ZBTB20: variants seen among roughly 807,000 people sequenced by gnomAD.
The protein encoded by ZBTB20 is zinc finger and BTB domain-containing protein 20.
Under a neutral mutation model 56.9 loss-of-function variants are expected in ZBTB20, and 9 were observed. That is an observed-to-expected ratio of 0.16 (90% CI 0.10 to 0.28). ZBTB20 has a LOEUF of 0.28. Ranked by LOEUF, ZBTB20 falls within the 10% of genes least tolerant of loss-of-function variation. ZBTB20 has a pLI of 1.00. For missense variants in ZBTB20, 655 were observed against 1,003.0 expected (o/e 0.65, Z 4.69); for synonymous variants, 417 against 420.7 (o/e 0.99, Z 0.11).
chr3:114,431,624 A>G (rs2718409), intron 7 of ZBTB20, among the ~76,000 whole-genome samples: 138,765 of 152,196 alleles, frequency 0.91, 64,668 homozygotes, highest in East Asian at 1. Context: ...TAAAGAACAA[A>G]AAAAGAGGGA....
chr3:114,428,242 C>G (rs759311614), intron 7 of ZBTB20, among the ~76,000 whole-genome samples: 2 of 152,094 alleles, frequency 1.3e-5, no homozygotes, highest in African/African-American at 4.8e-5. Context: ...TTAAAAACCA[C>G]GTTCACAATG....
At chr3:114,645,551 T>A (rs1006311634) in intron 6 of ZBTB20, among the ~76,000 whole-genome samples, 7 of 152,184 alleles carry the variant, frequency 4.6e-5, no homozygotes, top group Non-Finnish European at 1.0e-4. Context: ...TACATCTTTC[T>A]GGGTGGCATC....
At chr3:114,561,769 A>T (rs1281122003) in intron 6 of ZBTB20, among the ~76,000 whole-genome samples, 1 of 152,048 alleles carries the variant, frequency 6.6e-6, no homozygotes, top group Admixed American at 6.6e-5. Context: ...TCCCAGTTAA[A>T]GTTACCTGCT....
intron 5 of ZBTB20, among the ~76,000 whole-genome samples, chr3:114,782,213 C>CT (rs940154672): frequency 2.0e-5 from 3 of 152,072 alleles, no homozygotes; most frequent in Non-Finnish European, 2.9e-5. Context: ...TTTACATATA[C>CT]TTTTTTTTGT....
intron 7 of ZBTB20, among the ~76,000 whole-genome samples, chr3:114,463,308 G>C (rs2092409739): frequency 6.6e-6 from 1 of 152,284 alleles, no homozygotes; most frequent in South Asian, 2.1e-4. Flanking sequence ...GGGTACGGTA[G>C]CTTGAATATT....
chr3:114,716,226 A>T (rs2064471388), intron 5 of ZBTB20, among the ~76,000 whole-genome samples: 1 of 152,176 alleles, frequency 6.6e-6, no homozygotes, highest in Non-Finnish European at 1.5e-5. Flanking sequence ...AATAAAATCC[A>T]GCCCATGCTG....
intron 1 of ZBTB20, among the ~76,000 whole-genome samples, chr3:115,098,015 CTACATTATTACTTGCTTT>C (rs1480014278): frequency 6.6e-6 from 1 of 152,096 alleles, no homozygotes; most frequent in Non-Finnish European, 1.5e-5. Context: ...ATAAAAATGG[CTACATTATTACTTGCTTT>C]TATTCTTGCT....
Position 114,481,420 on chromosome 3 carries a change from G to C in ZBTB20, c.-255+18932C>G, listed in dbSNP as rs145288321. On this transcript the variant is annotated intron_variant, in intron 7 of 11. Transcript: ENST00000675478. ...GATCCGTTATGTTTCTACATAAGGA[G>C]TGTACAAGCTTCTCTTGAAAATCAT... 7.9e-4 allele frequency among the ~76,000 whole-genome samples: 121 copies of C among 152,298 alleles called. No individual in the cohort carries two copies. The Middle Eastern group carries it at 0.024, about 30-fold the overall frequency.
intron 2 of ZBTB20, among the ~76,000 whole-genome samples, chr3:115,021,401 C>A (rs1044396883): frequency 6.6e-6 from 1 of 150,694 alleles, no homozygotes; most frequent in Non-Finnish European, 1.5e-5. Flanking sequence ...TCCATAGATA[C>A]ATATATATAG....
intron 6 of ZBTB20, among the ~76,000 whole-genome samples, chr3:114,574,117 GAACT>G (rs1322512800): frequency 6.6e-6 from 1 of 151,952 alleles, no homozygotes; most frequent in African/African-American, 2.4e-5. Flanking sequence ...ATAACTTTAA[GAACT>G]ATCTAATTTG....
chr3:114,423,486 A>G (rs2089371863), intron 7 of ZBTB20, among the ~76,000 whole-genome samples: 1 of 152,244 alleles, frequency 6.6e-6, no homozygotes, highest in Non-Finnish European at 1.5e-5. Flanking sequence ...AAAGCTTAGC[A>G]AGGGTTCAGA....
chr3:114,574,369 C>G (rs186271770), intron 6 of ZBTB20, among the ~76,000 whole-genome samples: 101 of 152,252 alleles, frequency 6.6e-4, no homozygotes, highest in African/African-American at 2.4e-3. Context: ...TGCTACATTA[C>G]TTTGCAGAAT....
chr3:114,430,858 T>C (rs1043237098), intron 7 of ZBTB20, among the ~76,000 whole-genome samples: 6 of 152,220 alleles, frequency 3.9e-5, no homozygotes, highest in Non-Finnish European at 5.9e-5. Context: ...CATAGTCTGC[T>C]TCATTTTTAC....
chr3:114,951,206 A>G (rs2077054954), intron 3 of ZBTB20, among the ~76,000 whole-genome samples: 1 of 152,142 alleles, frequency 6.6e-6, no homozygotes, highest in South Asian at 2.1e-4. Context: ...AATTATCTTT[A>G]AAAACAATTG....
intron 6 of ZBTB20, chr3:114,599,279 G>A (rs1164726754): frequency 3.3e-5 from 5 of 152,180 alleles, no homozygotes; most frequent in South Asian, 4.1e-4. Flanking sequence ...ACTCAGAAAT[G>A]TTCTTCTCTT....
chr3:114,948,760 C>T (rs1162433674), intron 3 of ZBTB20, among the ~76,000 whole-genome samples: 2 of 145,904 alleles, frequency 1.4e-5, no homozygotes, highest in African/African-American at 5.6e-5. Context: ...AGAAATGAAT[C>T]TAACAAAAAG....
chr3:114,902,323 G>A (rs965862846), intron 3 of ZBTB20, among the ~76,000 whole-genome samples: 1 of 152,154 alleles, frequency 6.6e-6, no homozygotes, highest in Non-Finnish European at 1.5e-5. Context: ...AGCATCTACT[G>A]CCTGCATGGT....
intron 6 of ZBTB20, among the ~76,000 whole-genome samples, chr3:114,641,586 A>T (rs1379842272): frequency 6.6e-6 from 1 of 151,794 alleles, no homozygotes; most frequent in Non-Finnish European, 1.5e-5. Flanking sequence ...GTAAGGCAGA[A>T]AGATTTTCTA....
intron 3 of ZBTB20, among the ~76,000 whole-genome samples, chr3:114,926,677 C>A (rs896011918): frequency 6.6e-6 from 1 of 152,002 alleles, no homozygotes; most frequent in Admixed American, 6.5e-5. Context: ...GAAATATATG[C>A]CATCAAATAG....
Sources: allele counts gnomAD v4.1 joint callset (sites outside exome capture counted in the v4.1 genomes callset), GRCh38; gene constraint gnomAD v4.1.1; transcripts MANE v1.5; gene names NCBI Gene and HGNC (gene_info 2026-07-23, HGNC 2026-07-21).